PCDHGA12: variants seen among roughly 807,000 people sequenced by gnomAD.
PCDHGA12 encodes the protein protocadherin gamma-A12.
PCDHGA12 carries 43 observed loss-of-function variants against 61.1 expected under a neutral mutation model. The ratio of observed to expected loss-of-function variants is 0.70; its 90% CI spans 0.55 to 0.91. PCDHGA12 has a LOEUF of 0.91. Among genes scored for constraint, PCDHGA12 ranks in the 40% least tolerant of loss-of-function variants. The pLI is 0.00. For synonymous variants in PCDHGA12, 520 were observed against 542.9 expected (o/e 0.96, Z 0.59); for missense variants, 1,236 against 1,227.7 (o/e 1.01, Z -0.10).
chr5:141,432,227 T>C lies in PCDHGA12; in HGVS notation c.1468T>C (p.Ser490Pro), dbSNP rs1046414550. The change falls in exon 1 of 4, where the codon TCC becomes CCC. Residue 490 changes from serine to proline, a missense_variant. By Grantham distance (74) the Ser-to-Pro change is moderately conservative (BLOSUM62 -1). Coordinates refer to ENST00000252085, the MANE Select transcript of PCDHGA12 (RefSeq NM_003735.3). This position sits in a 1 kb window ranked among gnomAD's most constrained non-coding sequence, Gnocchi z 6.0. ...TGAAGAGAACGCCCAGATCACTTATTCCCTGGCTGAGAACACCATCCAAGG... is the reference window on the plus strand; with the variant it reads ...TGAAGAGAACGCCCAGATCACTTATCCCCTGGCTGAGAACACCATCCAAGG... ...DCEENAQITY[S>P]LAENTIQGAS... is the part of the protein sequence containing the mutation. 1.4e-5 allele frequency: 22 copies of C among 1,614,080 alleles called. No individual in the cohort carries two copies. The highest frequency in any genetic ancestry group is 1.8e-5 in the Non-Finnish European group (21 of 1,180,042).
rs756216038 is a variant in PCDHGA12, at chr5:141,477,967, C to G, written c.2425-16840C>G. 1.9e-6 allele frequency: 3 copies of G among 1,614,032 alleles called. No homozygotes were observed. Among genetic ancestry groups the G allele is most frequent in the Admixed American group, 3.3e-5 (2 of 59,996 alleles). ...GTCTCTTGGGATCCCCTAACCAGAG[C>G]CTTTTTGCCATAGGGCTGCACACTG... On this transcript the variant is annotated intron_variant, in intron 1 of 3. Transcript: ENST00000252085. The surrounding 1 kb of genome is among the most constrained non-coding windows in gnomAD (Gnocchi z 4.9).
At chr5:141,475,448 G>A (rs774710049) in intron 1 of PCDHGA12, among the ~76,000 whole-genome samples, 1 of 152,214 alleles carries the variant, frequency 6.6e-6, no homozygotes, top group Non-Finnish European at 1.5e-5. Flanking sequence ...CAGATAATGA[G>A]GAAGTGACAG....
At chr5:141,451,468 C>G (rs2098716484) in intron 1 of PCDHGA12, among the ~76,000 whole-genome samples, 1 of 152,202 alleles carries the variant, frequency 6.6e-6, no homozygotes, top group South Asian at 2.1e-4. Context: ...AGGTCTACCT[C>G]AGTTCCTTGC....
intron 1 of PCDHGA12, among the ~76,000 whole-genome samples, chr5:141,444,150 GGATTT>G (rs2098419598): frequency 1.8e-5 from 2 of 114,012 alleles, no homozygotes; most frequent in Non-Finnish European, 3.5e-5. Flanking sequence ...TGTGTGTACT[GGATTT>G]TTTTTTTTTT....
chr5:141,460,576 G>A (rs2098992216), intron 1 of PCDHGA12, among the ~76,000 whole-genome samples: 1 of 152,082 alleles, frequency 6.6e-6, no homozygotes, highest in Non-Finnish European at 1.5e-5. Flanking sequence ...ACATATGTAG[G>A]TGTGGGTTTT....
chr5:141,477,013 T>C lies in PCDHGA12; in HGVS notation c.2425-17794T>C. ...TGCGGCAACTATTCGCCTTAGACCT[T>C]GTAACCGGGATGCTGACAATCAAGG... On this transcript the variant is annotated intron_variant, in intron 1 of 3. Coordinates refer to ENST00000252085, the MANE Select transcript of PCDHGA12 (RefSeq NM_003735.3). The surrounding 1 kb of genome is among the most constrained non-coding windows in gnomAD (Gnocchi z 4.9). 6.2e-7 allele frequency: 1 copy of C among 1,614,204 alleles called. No homozygotes were observed. The highest frequency in any genetic ancestry group is 8.5e-7 in the Non-Finnish European group (1 of 1,180,028).
chr5:141,490,903 C>G lies in PCDHGA12; in HGVS notation c.2425-3904C>G. 6.2e-7 allele frequency: 1 copy of G among 1,613,764 alleles called. No homozygotes were observed. The highest frequency in any genetic ancestry group is 1.7e-5 in the Admixed American group (1 of 60,022). On this transcript the variant is annotated intron_variant, in intron 1 of 3. Coordinates refer to ENST00000252085, the MANE Select transcript of PCDHGA12 (RefSeq NM_003735.3). This position sits in a 1 kb window ranked among gnomAD's most constrained non-coding sequence, Gnocchi z 5.4. ...CAACACATCTCTGCATGTGTTTGTC[C>G]TAGACGAGAATGATAATGCCCCAGC... is the stretch of plus-strand genomic sequence containing the variant.
At chr5:141,484,506 G>T (rs1442936814) in intron 1 of PCDHGA12, among the ~76,000 whole-genome samples, 1 of 152,186 alleles carries the variant, frequency 6.6e-6, no homozygotes, top group Non-Finnish European at 1.5e-5. Context: ...TGAATATTCT[G>T]CAGAAGGGCA....
intron 2 of PCDHGA12, among the ~76,000 whole-genome samples, chr5:141,496,206 A>C (rs2099766963): frequency 6.6e-6 from 1 of 152,126 alleles, no homozygotes; most frequent in South Asian, 2.1e-4. Context: ...TCAATCTGGT[A>C]TGAATTCCTG....
At chr5:141,483,656 G>A (rs1345435222) in intron 1 of PCDHGA12, among the ~76,000 whole-genome samples, 1 of 151,984 alleles carries the variant, frequency 6.6e-6, no homozygotes, top group Non-Finnish European at 1.5e-5. Flanking sequence ...GTTTGTGTGT[G>A]TGTGTGTGTG....
In PCDHGA12 at chr5:141,485,804, G is replaced by C; in HGVS notation, c.2425-9003G>C. 6.2e-7 allele frequency: 1 copy of C among 1,614,218 alleles called. No homozygotes were observed. The highest frequency in any genetic ancestry group is 1.3e-5 in the African/African-American group (1 of 75,060). The stretch of plus-strand genomic sequence containing the variant: ...AGAGAAGCAATCGGACTACCGCCTG[G>C]TGCTGACTGCTGTCGATGGAGGGAA... On this transcript the variant is annotated intron_variant, in intron 1 of 3. Coordinates refer to ENST00000252085, the MANE Select transcript of PCDHGA12 (RefSeq NM_003735.3). This position sits in a 1 kb window ranked among gnomAD's most constrained non-coding sequence, Gnocchi z 5.7.
At position 141,478,875 on chromosome 5, in the gene PCDHGA12, G is replaced by A. The variant is rs913320768; in HGVS notation, c.2425-15932G>A. On this transcript the variant is annotated intron_variant, in intron 1 of 3. Coordinates refer to ENST00000252085, the MANE Select transcript of PCDHGA12 (RefSeq NM_003735.3). ...ACAAGATCTCAGCGATCAGAGTTTA[G>A]CTTGGTATCATTTACATTAGGAATA... The A allele has an allele frequency of 2.4e-6, 3 of 1,273,470 alleles. No homozygotes were observed. The South Asian group carries it at 4.8e-5, about 21-fold the overall frequency. 78.9% of individuals were successfully genotyped at this position (1,273,470 alleles called of 1,614,324 possible).
chr5:141,501,836 T>G (rs2099811283), intron 2 of PCDHGA12, among the ~76,000 whole-genome samples: 1 of 152,136 alleles, frequency 6.6e-6, no homozygotes, highest in Non-Finnish European at 1.5e-5. Context: ...CCCACCTGTT[T>G]GGCCCTCAAC....
rs1460389320 is a variant in PCDHGA12 at position 141,490,134 on chromosome 5, C to T, written c.2425-4673C>T. The T allele has an allele frequency of 2.5e-6, 4 of 1,614,114 alleles. No homozygotes were observed. Among genetic ancestry groups the T allele is most frequent in the Admixed American group, 3.3e-5 (2 of 59,998 alleles). ...GGAACCTCTTTGGCCTAGACCCTAG[C>T]AGTGGGGCAATCCATGTGTTGGGTC... On this transcript the variant is annotated intron_variant, in intron 1 of 3. Coordinates refer to ENST00000252085, the MANE Select transcript of PCDHGA12 (RefSeq NM_003735.3). This position sits in a 1 kb window ranked among gnomAD's most constrained non-coding sequence, Gnocchi z 5.4.
intron 1 of PCDHGA12, among the ~76,000 whole-genome samples, chr5:141,446,714 G>T (rs193229261): frequency 2.6e-5 from 4 of 152,044 alleles, no homozygotes; most frequent in African/African-American, 9.7e-5. Flanking sequence ...TGATCTGCCC[G>T]CCTCGGCCTC....
chr5:141,471,196 C>T (rs59385734), intron 1 of PCDHGA12: 16,293 of 151,632 alleles, frequency 0.11, 894 homozygotes, highest in South Asian at 0.15. Context: ...ATTACAGGCA[C>T]CCACCCCCAT....
rs141151122 is a variant in PCDHGA12, at chr5:141,491,445, C to T, written c.2425-3362C>T. ...GAGGGCAGTGCTGCAGGCGCCAGGA[C>T]TCACCCTCCCCGGACTTCTATAAGC... is the stretch of plus-strand genomic sequence containing the variant. On this transcript the variant is annotated intron_variant, in intron 1 of 3. Transcript: ENST00000252085. This position sits in a 1 kb window ranked among gnomAD's most constrained non-coding sequence, Gnocchi z 6.9. 1 of 1,614,112 alleles carries T rather than the reference C, an allele frequency of 6.2e-7. No individual in the cohort carries two copies. The highest frequency in any genetic ancestry group is 8.5e-7 in the Non-Finnish European group (1 of 1,180,032).
intron 1 of PCDHGA12, among the ~76,000 whole-genome samples, chr5:141,434,245 T>G (rs921135977): frequency 3.3e-5 from 5 of 152,224 alleles, no homozygotes; most frequent in African/African-American, 1.2e-4. Context: ...CTAGATGACT[T>G]GGGCATTGTG....
At chr5:141,467,050 G>T (rs6580189) in intron 1 of PCDHGA12, among the ~76,000 whole-genome samples, 42,616 of 146,752 alleles carry the variant, frequency 0.29, 6,868 homozygotes, top group African/African-American at 0.45. Flanking sequence ...ATGAATCAAT[G>T]TTTTCTTTTT....
Sources: gnomAD v4.1 joint callset for allele counts (sites outside exome capture counted in the v4.1 genomes callset) on GRCh38, gnomAD v4.1.1 for gene constraint, Gnocchi (gnomAD v3.1) non-coding constraint, MANE v1.5 for transcripts, NCBI Gene and HGNC (gene_info 2026-07-23, HGNC 2026-07-21) for gene names.